The following STPG2 variants were observed in gnomAD, a reference collection of about 807,000 sequenced individuals.
The protein encoded by STPG2 is sperm tail PG-rich repeat containing 2, also known as sperm-tail PG-rich repeat-containing protein 2.
In STPG2, 56 loss-of-function variants were observed where a neutral mutation model predicts 54.2. The observed-to-expected ratio is 1.03, with a 90% confidence interval of 0.83 to 1.29. The LOEUF is 1.29. Ranked by LOEUF, STPG2 falls within the 50% of genes most tolerant of loss-of-function variation. The pLI is 0.00. For synonymous variants in STPG2, 200 were observed against 181.8 expected, an observed-to-expected ratio of 1.10 and a Z score of -0.81; for missense variants, 596 against 544.9, an observed-to-expected ratio of 1.09 and a Z score of -0.93.
chr4:97,831,801 C>T (rs1044618680), intron 9 of STPG2, among the ~76,000 whole-genome samples: 27 of 152,090 alleles, frequency 1.8e-4, no homozygotes, highest in Non-Finnish European at 2.5e-4. Flanking sequence ...CCACATACAC[C>T]TTTCCAAGTC....
intron 8 of STPG2, among the ~76,000 whole-genome samples, chr4:97,844,085 A>C (rs1356309887): frequency 6.6e-6 from 1 of 151,862 alleles, no homozygotes; most frequent in African/African-American, 2.4e-5. Context: ...AGGTTTCAGG[A>C]GGCATGAAAC....
At chr4:97,887,229 G>T (rs1376049747) in intron 8 of STPG2, among the ~76,000 whole-genome samples, 4 of 152,220 alleles carry the variant, frequency 2.6e-5, no homozygotes, top group African/African-American at 9.6e-5. Context: ...ATGAGCAGAG[G>T]TTGGAAGAGT....
chr4:97,684,882 A>AT (rs1184704189), intron 10 of STPG2, among the ~76,000 whole-genome samples: 6 of 152,098 alleles, frequency 3.9e-5, no homozygotes, highest in South Asian at 2.1e-4. Flanking sequence ...AAAATATACA[A>AT]TTTTTTAAAA....
At chr4:97,822,939 C>G (rs1265182639) in intron 9 of STPG2, among the ~76,000 whole-genome samples, 5 of 152,120 alleles carry the variant, frequency 3.3e-5, no homozygotes, top group Admixed American at 3.3e-4. Context: ...AAAGCATAAC[C>G]CAGAGAAAGA....
intron 5 of STPG2, among the ~76,000 whole-genome samples, chr4:98,082,428 G>A (rs1175544277): frequency 8.6e-6 from 1 of 116,090 alleles, no homozygotes; most frequent in African/African-American, 3.3e-5. Context: ...CCATGTGCAG[G>A]TCCACTTTTT....
chr4:97,963,802 G>T (rs1480345034), intron 7 of STPG2, among the ~76,000 whole-genome samples: 1 of 151,588 alleles, frequency 6.6e-6, no homozygotes, highest in Non-Finnish European at 1.5e-5. Flanking sequence ...AATATCAAAG[G>T]TTGATGACAG....
intron 5 of STPG2, among the ~76,000 whole-genome samples, chr4:98,083,089 T>C (rs1053731536): frequency 3.3e-5 from 5 of 152,146 alleles, no homozygotes; most frequent in African/African-American, 1.2e-4. Context: ...TTGGCCTCTG[T>C]CTACCTCCCA....
chr4:97,472,703 G>T (rs1004789540), intron 4 of STPG2, among the ~76,000 whole-genome samples: 2 of 152,122 alleles, frequency 1.3e-5, no homozygotes, highest in African/African-American at 2.4e-5. Flanking sequence ...AAAAGACAAG[G>T]AGGAGCCCTA....
At chr4:97,932,462 A>G (rs189685185) in intron 8 of STPG2, among the ~76,000 whole-genome samples, 215 of 152,210 alleles carry the variant, frequency 1.4e-3, no homozygotes, top group African/African-American at 3.7e-3. Context: ...CTATCTACTC[A>G]TCAACTAGGT....
At chr4:97,869,003 GT>G (rs1410852279) in intron 8 of STPG2, among the ~76,000 whole-genome samples, 5 of 151,824 alleles carry the variant, frequency 3.3e-5, no homozygotes, top group Non-Finnish European at 7.4e-5. Flanking sequence ...ATGTTAATTA[GT>G]TTTGTATCTT....
Position 97,587,007 on chromosome 4 carries a change from CTT to C in STPG2, c.1321-27892_1321-27891del, listed in dbSNP as rs558546768. On this transcript the variant is annotated intron_variant, in intron 10 of 10. Coordinates refer to ENST00000295268, the MANE Select transcript of STPG2 (RefSeq NM_174952.3). ...AATATCATTCAGATTTTATGCCACTCTTATGTATGGCAATTATCAAAGTGGCT... is the reference window on the plus strand; with the variant it reads ...AATATCATTCAGATTTTATGCCACTCATGTATGGCAATTATCAAAGTGGCT... Among the ~76,000 whole-genome samples, 15 of 151,954 alleles carry C rather than the reference CTT, an allele frequency of 9.9e-5. No individual in the cohort carries two copies. The South Asian group carries it at 2.3e-3, about 23-fold the overall frequency.
At chr4:98,100,607 G>A (rs10010223) in intron 5 of STPG2, among the ~76,000 whole-genome samples, 59,903 of 150,802 alleles carry the variant, frequency 0.4, 12,114 homozygotes, top group Middle Eastern at 0.46. Flanking sequence ...GAAGCTATTA[G>A]GCCTATCACA....
intron 10 of STPG2, among the ~76,000 whole-genome samples, chr4:97,625,379 C>T (rs911308840): frequency 2.0e-5 from 3 of 152,136 alleles, no homozygotes; most frequent in South Asian, 2.1e-4. Context: ...GGCACAATCT[C>T]GGCCCATGCA....
intron 9 of STPG2, among the ~76,000 whole-genome samples, chr4:97,730,623 A>G (rs1305884625): frequency 6.6e-6 from 1 of 152,106 alleles, no homozygotes; most frequent in Non-Finnish European, 1.5e-5. Flanking sequence ...TGTTTTCCAA[A>G]TTGCTTACCC....
At chr4:97,999,986 T>C (rs1560629490) in intron 5 of STPG2, among the ~76,000 whole-genome samples, 1 of 152,188 alleles carries the variant, frequency 6.6e-6, no homozygotes, top group Admixed American at 6.5e-5. Flanking sequence ...TATTATGTAA[T>C]ATTTATGTGG....
chr4:97,932,387 G>A (rs974500610), intron 8 of STPG2, among the ~76,000 whole-genome samples: 6 of 151,978 alleles, frequency 3.9e-5, no homozygotes, highest in Non-Finnish European at 7.4e-5. Context: ...TAAGTTCTGG[G>A]ACACATTTGC....
chr4:97,729,678 A>T (rs1250233941), intron 9 of STPG2, among the ~76,000 whole-genome samples: 1 of 152,176 alleles, frequency 6.6e-6, no homozygotes, highest in African/African-American at 2.4e-5. Context: ...GCCAGGCTGC[A>T]TCCAACATCA....
chr4:97,480,313 C>A (rs77808694), intron 4 of STPG2, among the ~76,000 whole-genome samples: 1 of 151,360 alleles, frequency 6.6e-6, no homozygotes, highest in Admixed American at 6.6e-5. Context: ...TTCCGGTTTA[C>A]CCATTTAAAA....
chr4:98,105,645 T>C (rs1646565911), intron 5 of STPG2, among the ~76,000 whole-genome samples: 1 of 152,060 alleles, frequency 6.6e-6, no homozygotes, highest in Non-Finnish European at 1.5e-5. Flanking sequence ...ATGGTAATAA[T>C]GTAGGGATTG....
Sources: gnomAD v4.1 joint callset for allele counts (sites outside exome capture counted in the v4.1 genomes callset) on GRCh38, gnomAD v4.1.1 for gene constraint, MANE v1.5 for transcripts, NCBI Gene and HGNC (gene_info 2026-07-23, HGNC 2026-07-21) for gene names.